Variants in VPS13B observed in about 807,000 individuals in gnomAD.
VPS13B encodes intermembrane lipid transfer protein VPS13B.
VPS13B carries 285 observed loss-of-function variants against 426.4 expected under a neutral mutation model. The observed-to-expected ratio is 0.67, with a 90% CI of 0.61 to 0.74. The LOEUF (loss-of-function observed/expected upper bound fraction) is 0.74, where lower values mean the gene tolerates loss of function less well. VPS13B is among the 30% of genes least tolerant of loss of function. VPS13B has a pLI of 0.00. For synonymous variants in VPS13B, 1,676 were observed against 1,676.4 expected (o/e 1.00, Z 0.01); for missense variants, 4,537 against 4,782.6 (o/e 0.95, Z 1.51).
chr8:99,130,253 T>G (rs950443043), intron 8 of VPS13B, among the ~76,000 whole-genome samples: 2 of 152,236 alleles, frequency 1.3e-5, no homozygotes, highest in African/African-American at 4.8e-5. Context: ...CTGGTTCATA[T>G]TTTTGTTAAG....
chr8:99,819,232 G>T (rs1814224303), intron 47 of VPS13B, among the ~76,000 whole-genome samples, 180 bp from the exon 48 acceptor site: 2 of 152,068 alleles, frequency 1.3e-5, no homozygotes, highest in Non-Finnish European at 2.9e-5. Context: ...GGAATTGAGG[G>T]GTGGGGGAAG....
At chr8:99,852,506 T>C (rs528502773) in intron 55 of VPS13B, among the ~76,000 whole-genome samples, 1 of 152,288 alleles carries the variant, frequency 6.6e-6, no homozygotes, top group Admixed American at 6.5e-5. Flanking sequence ...GTAGAAGAGC[T>C]GAGAGAAGAC....
chr8:99,426,001 G>C (rs75101927), intron 21 of VPS13B, among the ~76,000 whole-genome samples: 9 of 150,934 alleles, frequency 6.0e-5, no homozygotes, highest in Non-Finnish European at 8.9e-5. Flanking sequence ...ATGCTGGTGC[G>C]CTGCACCCAC....
In VPS13B at chr8:99,502,848, T is replaced by C; in HGVS notation, c.4055T>C (p.Val1352Ala). The stretch of plus-strand genomic sequence containing the variant: ...TTTCTTATTGCAGAGGTTTGTATGG[T>C]CAGTGAACTAGAAGATCTCAGTGCT... ...PENKGTEVCM[V>A]SELEDLSASI... is the part of the protein sequence containing the mutation. The change falls in exon 27 of 62, where the codon GTC becomes GCC. Residue 1352 changes from valine (V) to alanine (A), a missense_variant. This residue lies in a region of VPS13B where 4,311 missense variants were observed against 4,474.3 expected (regional missense o/e 0.96). Coordinates refer to ENST00000357162, the MANE Select transcript of VPS13B (RefSeq NM_152564.5). 6.2e-7 allele frequency: 1 copy of C among 1,612,362 alleles called. No homozygotes were observed. The highest frequency in any genetic ancestry group is 1.1e-5 in the South Asian group (1 of 91,038).
At chr8:99,456,012 G>A (rs1049320452) in intron 23 of VPS13B, among the ~76,000 whole-genome samples, 1 of 152,126 alleles carries the variant, frequency 6.6e-6, no homozygotes, top group Non-Finnish European at 1.5e-5. Flanking sequence ...AATTTATGTT[G>A]AACAGTTCAA....
At chr8:99,033,785 A>G (rs527857808) in intron 2 of VPS13B, among the ~76,000 whole-genome samples, 8 of 152,158 alleles carry the variant, frequency 5.3e-5, no homozygotes, top group South Asian at 4.2e-4. Context: ...AATCTCAGCT[A>G]TTCGGGAGGC....
At chr8:99,530,497 C>T (rs1370526399) in intron 30 of VPS13B, among the ~76,000 whole-genome samples, 3 of 151,894 alleles carry the variant, frequency 2.0e-5, no homozygotes, top group Non-Finnish European at 4.4e-5. Context: ...GCCTGTAATT[C>T]CAGCTACTTG....
rs796140280 is a variant in VPS13B at position 99,148,391 on chromosome 8, G to T, written c.2013+381G>T. Among the ~76,000 whole-genome samples the T allele has an allele frequency of 9.3e-5, 12 of 129,398 alleles. 1 individual carries two copies. Among genetic ancestry groups the T allele is most frequent in the African/African-American group, 3.1e-4 (9 of 29,088 alleles). 84.9% of individuals were successfully genotyped at this position (129,398 alleles called of 152,430 possible). A position where few individuals can be genotyped will look rare whatever the true frequency, so the allele number is the denominator to read the frequency against. On this transcript the variant is annotated intron_variant, in intron 14 of 61. Transcript: ENST00000357162. ...AAAAAAAAAAAAGAAAAAGATAAAA[G>T]TATCTGCTTATATAGTTATCCATGA...
At chr8:99,300,824 A>G (rs1563655205) in intron 19 of VPS13B, among the ~76,000 whole-genome samples, 3 of 151,708 alleles carry the variant, frequency 2.0e-5, no homozygotes, top group Admixed American at 1.3e-4. Context: ...AGGAATATTA[A>G]TAAGTGTTAG....
chr8:99,343,959 A>T (rs374211954), intron 19 of VPS13B, among the ~76,000 whole-genome samples: 1 of 152,232 alleles, frequency 6.6e-6, no homozygotes, highest in Admixed American at 6.5e-5. Context: ...TCACAGAAAT[A>T]GAAAAAACAA....
chr8:99,766,106 T>G, intron 39 of VPS13B, among the ~76,000 whole-genome samples: 1 of 147,292 alleles, frequency 6.8e-6, no homozygotes, highest in Admixed American at 6.8e-5. Flanking sequence ...GGCAGATTCT[T>G]GCTCTGTCGC....
intron 21 of VPS13B, among the ~76,000 whole-genome samples, chr8:99,431,097 TC>T (rs1401614594): frequency 6.6e-6 from 1 of 152,226 alleles, no homozygotes; most frequent in Non-Finnish European, 1.5e-5. Context: ...AGGATAATTT[TC>T]TATCAATTTT....
chr8:99,830,295 G>A (rs1025852278), intron 51 of VPS13B, among the ~76,000 whole-genome samples: 2 of 152,218 alleles, frequency 1.3e-5, no homozygotes, highest in African/African-American at 4.8e-5. Flanking sequence ...GAGATGCCCT[G>A]CTCAGAGAGG....
chr8:99,827,149 C>T (rs1188305151), intron 51 of VPS13B, among the ~76,000 whole-genome samples: 1 of 152,030 alleles, frequency 6.6e-6, no homozygotes, highest in African/African-American at 2.4e-5. Context: ...GGAATGATAC[C>T]ACCTCCTCTT....
intron 19 of VPS13B, among the ~76,000 whole-genome samples, chr8:99,323,038 A>G (rs950842607): frequency 9.2e-5 from 14 of 152,354 alleles, no homozygotes; most frequent in African/African-American, 3.4e-4. Flanking sequence ...GCCAAATACT[A>G]GGAACGACCG....
At chr8:99,233,351 TTTC>T in intron 17 of VPS13B, 2 of 1,064,254 alleles carry the variant, frequency 1.9e-6, no homozygotes, top group Admixed American at 1.7e-5. Context: ...TTAAAGAAGT[TTTC>T]TTCTTTTAGT....
chr8:99,269,037 A>G lies in VPS13B; in HGVS notation c.2516-5161A>G, dbSNP rs568718655. On this transcript the variant is annotated intron_variant, in intron 17 of 61. Coordinates refer to ENST00000357162, the MANE Select transcript of VPS13B (RefSeq NM_152564.5). ...ACTTCTCTCTCCTGCCACCTTGTGA[A>G]GAAGGACGTGTTTGCTTCCCTTCCA... 2.0e-5 allele frequency among the ~76,000 whole-genome samples: 3 copies of G among 152,206 alleles called. No homozygotes were observed. The East Asian group carries it at 5.8e-4, about 29-fold the overall frequency.
intron 17 of VPS13B, among the ~76,000 whole-genome samples, chr8:99,204,457 T>C (rs1311279591): frequency 6.6e-6 from 1 of 152,188 alleles, no homozygotes; most frequent in Non-Finnish European, 1.5e-5. Context: ...AGGCAAAGAC[T>C]TTGTGACTTA....
chr8:99,766,859 G>A lies in VPS13B; in HGVS notation c.7136G>A (p.Cys2379Tyr), dbSNP rs1373068816. 2 of 1,614,004 alleles carry A rather than the reference G, an allele frequency of 1.2e-6. No individual in the cohort carries two copies. Among genetic ancestry groups the A allele is most frequent in the Admixed American group, 1.7e-5 (1 of 60,024 alleles). ...TTTAATCTGTCTGAAAGCAAAGTTTGTGAACTGCAGTTGCCGGATATCAAT... is the reference window on the plus strand; with the variant it reads ...TTTAATCTGTCTGAAAGCAAAGTTTATGAACTGCAGTTGCCGGATATCAAT... The part of the protein sequence containing the change: ...REFNLSESKV[C>Y]ELQLPDINLV... The change falls in exon 40 of 62, where the codon TGT becomes TAT. Residue 2379 changes from cysteine (C) to tyrosine (Y), a missense_variant. Around this residue, in one of 2 missense-constraint regions of VPS13B, gnomAD observed 4,311 missense variants for 4,474.3 expected, o/e 0.96. Transcript: ENST00000357162.
Sources: allele counts gnomAD v4.1 joint callset (sites outside exome capture counted in the v4.1 genomes callset), GRCh38; gene constraint gnomAD v4.1.1; regional missense constraint gnomAD v4.1.1; transcripts MANE v1.5; gene names NCBI Gene and HGNC (gene_info 2026-07-23, HGNC 2026-07-21).